EXOC6: variants seen among roughly 807,000 people sequenced by gnomAD.
EXOC6 encodes exocyst complex component 6.
Under a neutral mutation model 112.5 loss-of-function variants are expected in EXOC6, and 60 were observed. The ratio of observed to expected loss-of-function variants is 0.53; its 90% CI spans 0.43 to 0.66. The LOEUF is 0.66. Ranked by LOEUF, EXOC6 falls within the 30% of genes least tolerant of loss-of-function variation. The probability of loss-of-function intolerance (pLI) is 0.00; values close to 1 mark genes in which losing one functional copy is unlikely to be tolerated. For synonymous variants in EXOC6, 295 were observed against 308.0 expected, an observed-to-expected ratio of 0.96 and a Z score of 0.44; for missense variants, 855 against 957.1, an observed-to-expected ratio of 0.89 and a Z score of 1.41.
chr10:93,026,552 C>T (rs555299636), intron 20 of EXOC6, among the ~76,000 whole-genome samples: 35 of 152,324 alleles, frequency 2.3e-4, no homozygotes, highest in African/African-American at 8.2e-4. Flanking sequence ...GATACTGCTG[C>T]ATCCTGGAAG....
At chr10:92,837,045 T>A in intron 1 of EXOC6, among the ~76,000 whole-genome samples, 1 of 150,444 alleles carries the variant, frequency 6.6e-6, no homozygotes, top group East Asian at 2.0e-4. Flanking sequence ...AAGATATAAG[T>A]AAGACACAGG....
chr10:92,850,055 A>T (rs1200900233), intron 1 of EXOC6, among the ~76,000 whole-genome samples: 1 of 152,210 alleles, frequency 6.6e-6, no homozygotes, highest in Non-Finnish European at 1.5e-5. Context: ...GTAATGAAAG[A>T]AGTAAGATTA....
In EXOC6 at chr10:92,940,774, A is replaced by G; in HGVS notation, c.1260A>G (p.Ile420Met). 1 of 1,611,534 alleles carries G rather than the reference A, an allele frequency of 6.2e-7. No homozygotes were observed. ...VNRLFDLLFE[I>M]RDQYNETLLK... is the part of the protein sequence containing the mutation. ...GACTTTTTGACCTTTTATTTGAAAT[A>G]AGAGACCAATACAATGAAACACTGC... Residue 420 changes from isoleucine (I) to methionine (M), a missense_variant, in exon 13 of 22, where the codon ATA becomes ATG. Coordinates refer to ENST00000260762, the MANE Select transcript of EXOC6 (RefSeq NM_019053.6).
chr10:92,831,977 A>G (rs983340065), upstream of EXOC6, among the ~76,000 whole-genome samples: 2 of 152,226 alleles, frequency 1.3e-5, no homozygotes, highest in Non-Finnish European at 2.9e-5. Flanking sequence ...TTTTAAAACC[A>G]TGTGATATTT....
intron 19 of EXOC6, among the ~76,000 whole-genome samples, chr10:93,001,918 C>T (rs1245637519): frequency 6.6e-6 from 1 of 152,194 alleles, no homozygotes; most frequent in Admixed American, 6.5e-5. Context: ...TCTGAACAAA[C>T]TGGTTTAACT....
intron 2 of EXOC6, 68 bp from the exon 3 acceptor site, chr10:92,894,726 G>C (rs1849665739): frequency 8.3e-7 from 1 of 1,202,674 alleles, no homozygotes; most frequent in African/African-American, 1.5e-5. Context: ...CTGATTACAA[G>C]GGTGAGCAGT....
intron 20 of EXOC6, among the ~76,000 whole-genome samples, chr10:93,024,930 C>T (rs1844960223): frequency 6.6e-6 from 1 of 152,042 alleles, no homozygotes; most frequent in Non-Finnish European, 1.5e-5. Flanking sequence ...GAAAGCCCGA[C>T]CGCAGGGATC....
chr10:92,974,167 A>C lies in EXOC6; in HGVS notation c.1888A>C (p.Ser630Arg). Reference protein sequence around the residue: ...WTMSEPDGRASGYLMDLINFL... With the variant: ...WTMSEPDGRARGYLMDLINFL... The stretch of plus-strand genomic sequence containing the variant: ...AATGTCTGAGCCAGATGGAAGAGCT[A>C]GTGGTTATTTAATGGACCTTATAAA... The change falls in exon 18 of 22, where the codon AGT (serine) becomes CGT (arginine). Residue 630 changes from serine to arginine, a missense_variant. Ser to Arg is a moderately radical substitution (Grantham distance 110). Transcript: ENST00000260762. The C allele has an allele frequency of 6.3e-7, 1 of 1,599,558 alleles. No homozygotes were observed. The highest frequency in any genetic ancestry group is 8.5e-7 in the Non-Finnish European group (1 of 1,176,824).
chr10:92,902,188 G>T (rs1225117512), intron 5 of EXOC6, among the ~76,000 whole-genome samples: 7 of 152,166 alleles, frequency 4.6e-5, no homozygotes, highest in South Asian at 4.1e-4. Flanking sequence ...TCCTGATGAT[G>T]TCCTTTGATG....
intron 1 of EXOC6, among the ~76,000 whole-genome samples, chr10:92,858,208 C>T (rs1436995139): frequency 6.6e-6 from 1 of 151,956 alleles, no homozygotes; most frequent in Admixed American, 6.6e-5. Context: ...ATATGGATCT[C>T]TTTATGTTTA....
At chr10:93,006,727 A>C (rs945091635) in intron 19 of EXOC6, among the ~76,000 whole-genome samples, 1 of 152,238 alleles carries the variant, frequency 6.6e-6, no homozygotes, top group African/African-American at 2.4e-5. Context: ...TTGTTAAACA[A>C]AACTTGAGTT....
chr10:92,875,024 A>C (rs886091758), intron 1 of EXOC6, among the ~76,000 whole-genome samples: 3 of 152,110 alleles, frequency 2.0e-5, no homozygotes, highest in African/African-American at 7.2e-5. Flanking sequence ...TCTCAGAGGG[A>C]AGGTAGGTAT....
At chr10:92,835,395 A>G (rs888062433) in intron 1 of EXOC6, among the ~76,000 whole-genome samples, 2 of 152,362 alleles carry the variant, frequency 1.3e-5, no homozygotes, top group Non-Finnish European at 2.9e-5. Flanking sequence ...TTCACAGTTC[A>G]AGAACAGGAT....
intron 17 of EXOC6, among the ~76,000 whole-genome samples, chr10:92,960,883 G>A (rs1264132056): frequency 6.6e-6 from 1 of 152,102 alleles, no homozygotes; most frequent in Non-Finnish European, 1.5e-5. Flanking sequence ...ATTCAATATG[G>A]TATTCCATGA....
chr10:92,989,166 C>T (rs1177058336), intron 18 of EXOC6, among the ~76,000 whole-genome samples: 1 of 152,166 alleles, frequency 6.6e-6, no homozygotes, highest in African/African-American at 2.4e-5. Flanking sequence ...TAATACTTAA[C>T]ACAGTGTCTT....
intron 19 of EXOC6, among the ~76,000 whole-genome samples, chr10:93,001,614 C>T (rs1419848190): frequency 2.0e-5 from 3 of 152,184 alleles, no homozygotes; most frequent in Non-Finnish European, 4.4e-5. Context: ...TTACTATTTT[C>T]CCATCTGGAC....
chr10:92,845,165 A>G (rs553996276), upstream of EXOC6, among the ~76,000 whole-genome samples: 3 of 152,316 alleles, frequency 2.0e-5, no homozygotes, highest in East Asian at 5.8e-4. Flanking sequence ...CTGGAAGTCA[A>G]TATCCACTGC....
chr10:92,927,124 T>C (rs1191068382), intron 8 of EXOC6, among the ~76,000 whole-genome samples: 1 of 152,222 alleles, frequency 6.6e-6, no homozygotes, highest in African/African-American at 2.4e-5. Context: ...AAGTCGTTTT[T>C]TGTAGCTACT....
chr10:92,935,729 A>G (rs1852302339), intron 11 of EXOC6, 85 bp from the exon 12 acceptor site: 2 of 964,952 alleles, frequency 2.1e-6, no homozygotes, highest in South Asian at 1.5e-5. Flanking sequence ...AAACATTATC[A>G]ATTTCTTATT....
Sources: gnomAD v4.1 joint callset for allele counts (sites outside exome capture counted in the v4.1 genomes callset) on GRCh38, gnomAD v4.1.1 for gene constraint, MANE v1.5 for transcripts, NCBI Gene and HGNC (gene_info 2026-07-23, HGNC 2026-07-21) for gene names.